The following EXOC6B variants were observed in gnomAD, a reference collection of about 807,000 sequenced individuals.
EXOC6B encodes the protein exocyst complex component 6B, also known as SEC15 homolog B.
EXOC6B carries 54 observed loss-of-function variants against 113.5 expected under a neutral mutation model. The ratio of observed to expected loss-of-function variants is 0.48; its 90% CI spans 0.38 to 0.60. The LOEUF is 0.60. Among genes scored for constraint, EXOC6B ranks in the 20% least tolerant of loss-of-function variants. The probability of loss-of-function intolerance (pLI) is 0.00; values close to 1 mark genes in which losing one functional copy is unlikely to be tolerated. For missense variants in EXOC6B, 797 were observed against 977.5 expected, an observed-to-expected ratio of 0.82 and a Z score of 2.46; for synonymous variants, 357 against 339.0, an observed-to-expected ratio of 1.05 and a Z score of -0.58.
intron 18 of EXOC6B, among the ~76,000 whole-genome samples, chr2:72,429,389 T>C (rs996502186): frequency 3.9e-5 from 6 of 152,234 alleles, no homozygotes; most frequent in African/African-American, 1.4e-4. Context: ...GGCCTCCTTT[T>C]ACCAAGAACA....
chr2:72,380,061 G>A (rs898636556), intron 18 of EXOC6B, among the ~76,000 whole-genome samples, 191 bp from the exon 19 acceptor site: 5 of 151,928 alleles, frequency 3.3e-5, no homozygotes, highest in African/African-American at 9.7e-5. Context: ...TAATAGCTCC[G>A]TCACCATCAG....
intron 18 of EXOC6B, among the ~76,000 whole-genome samples, chr2:72,441,457 CT>C (rs1390651167): frequency 2.0e-5 from 3 of 149,754 alleles, no homozygotes; most frequent in African/African-American, 7.4e-5. Context: ...AATAAAGAAA[CT>C]TTTTTTGAAA....
chr2:72,651,100 G>A (rs1014792468), intron 6 of EXOC6B, among the ~76,000 whole-genome samples: 3 of 152,130 alleles, frequency 2.0e-5, no homozygotes, highest in African/African-American at 2.4e-5. Context: ...TAATCTGAGC[G>A]TTCACTATGG....
At chr2:72,524,815 C>CA (rs1408967553) in intron 8 of EXOC6B, among the ~76,000 whole-genome samples, 23 of 152,018 alleles carry the variant, frequency 1.5e-4, no homozygotes, top group South Asian at 2.1e-4. Context: ...AAACACCTCA[C>CA]AAAAAAACTG....
At chr2:72,641,873 T>C (rs1280318677) in intron 6 of EXOC6B, among the ~76,000 whole-genome samples, 1 of 152,206 alleles carries the variant, frequency 6.6e-6, no homozygotes. Context: ...AGAGGAAGGA[T>C]CAGGCAGCAA....
intron 20 of EXOC6B, among the ~76,000 whole-genome samples, chr2:72,195,439 G>T (rs369866383): frequency 1.3e-5 from 2 of 152,320 alleles, no homozygotes; most frequent in African/African-American, 4.8e-5. Flanking sequence ...GGCAGAAGCA[G>T]GCAGGTGTGA....
intron 1 of EXOC6B, among the ~76,000 whole-genome samples, chr2:72,807,777 T>A (rs11894812): frequency 0.055 from 8,382 of 151,622 alleles, 777 homozygotes; most frequent in African/African-American, 0.19. Flanking sequence ...GAGTAGAAGG[T>A]TGGTTACCAG....
intron 6 of EXOC6B, among the ~76,000 whole-genome samples, chr2:72,640,077 A>T (rs1217583134): frequency 1.3e-5 from 2 of 152,332 alleles, no homozygotes; most frequent in Non-Finnish European, 2.9e-5. Flanking sequence ...TCATTGAGCT[A>T]CAGGAGTATG....
chr2:72,424,634 G>A (rs1695098337), intron 18 of EXOC6B, among the ~76,000 whole-genome samples: 1 of 151,592 alleles, frequency 6.6e-6, no homozygotes, highest in Admixed American at 6.6e-5. Flanking sequence ...ATTCTTACTA[G>A]ATTAAAACTG....
chr2:72,825,381 G>C lies in EXOC6B; in HGVS notation c.113+417C>G, dbSNP rs1310524482. Among the ~76,000 whole-genome samples, 1 of 152,218 alleles carries C rather than the reference G, an allele frequency of 6.6e-6. No homozygotes were observed. Among genetic ancestry groups the C allele is most frequent in the African/African-American group, 2.4e-5 (1 of 41,448 alleles). On this transcript the variant is annotated intron_variant, in intron 1 of 21. Transcript: ENST00000272427. This position sits in a 1 kb window ranked among gnomAD's most constrained non-coding sequence, Gnocchi z 4.4. ...GGCAAGACTTTGATTTCGAGCACTA[G>C]ACCATGGAGTGAAATTCTGTGTTGT... is the stretch of plus-strand genomic sequence containing the variant.
chr2:72,784,466 T>G (rs1268295271), intron 1 of EXOC6B, among the ~76,000 whole-genome samples: 1 of 152,142 alleles, frequency 6.6e-6, no homozygotes, highest in African/African-American at 2.4e-5. Flanking sequence ...CAGCTGATAA[T>G]GACATACCCA....
At chr2:72,322,598 G>T (rs935664874) in intron 20 of EXOC6B, among the ~76,000 whole-genome samples, 4 of 152,066 alleles carry the variant, frequency 2.6e-5, no homozygotes, top group African/African-American at 9.7e-5. Context: ...GCCTAAAAAT[G>T]TTTAAGATAA....
Position 72,178,312 on chromosome 2 carries a change from C to A in EXOC6B, c.*1023G>T, listed in dbSNP as rs1321833461. The A allele has an allele frequency of 2.0e-4, 31 of 152,200 alleles. No homozygotes were observed. The highest frequency in any genetic ancestry group is 2.0e-3 in the Admixed American group (31 of 15,284). The allele number at this position is 152,200 out of a possible 1,614,324, so 9.4% of individuals were successfully genotyped here. Reference sequence around the variant, plus strand: ...GTGACATTTCCTTAAAGATGATAACCAAAAAGCTGGTTTTAAAACATAAAG... The same window carrying A: ...GTGACATTTCCTTAAAGATGATAACAAAAAAGCTGGTTTTAAAACATAAAG... On this transcript the variant is annotated 3_prime_UTR_variant, in exon 22 of 22. Coordinates refer to ENST00000272427, the MANE Select transcript of EXOC6B (RefSeq NM_015189.3).
intron 20 of EXOC6B, among the ~76,000 whole-genome samples, chr2:72,215,257 T>C (rs1377965650): frequency 6.6e-6 from 1 of 152,180 alleles, no homozygotes; most frequent in Non-Finnish European, 1.5e-5. Context: ...TAGGATGTTA[T>C]GGAGGAGAAA....
At chr2:72,326,311 T>A (rs1178221828) in intron 20 of EXOC6B, among the ~76,000 whole-genome samples, 3 of 152,124 alleles carry the variant, frequency 2.0e-5, no homozygotes, top group African/African-American at 7.2e-5. Flanking sequence ...GATATGCATA[T>A]TCATGCTGTA....
At chr2:72,389,902 C>T (rs115671586) in intron 18 of EXOC6B, among the ~76,000 whole-genome samples, 4 of 152,122 alleles carry the variant, frequency 2.6e-5, no homozygotes, top group African/African-American at 9.6e-5. Flanking sequence ...ACCTATTCTT[C>T]CTTCCTTTCC....
At chr2:72,487,040 A>C (rs890834161) in intron 16 of EXOC6B, among the ~76,000 whole-genome samples, 1 of 152,108 alleles carries the variant, frequency 6.6e-6, no homozygotes, top group African/African-American at 2.4e-5. Flanking sequence ...ATTTTAGGAC[A>C]GTTTTGTATT....
At chr2:72,454,616 T>C (rs548697629) in intron 18 of EXOC6B, among the ~76,000 whole-genome samples, 1 of 152,320 alleles carries the variant, frequency 6.6e-6, no homozygotes, top group African/African-American at 2.4e-5. Flanking sequence ...TTATTTTCTA[T>C]GTTATCAACA....
At chr2:72,398,546 A>G (rs1057348847) in intron 18 of EXOC6B, among the ~76,000 whole-genome samples, 6 of 151,852 alleles carry the variant, frequency 4.0e-5, no homozygotes, top group Admixed American at 2.6e-4. Flanking sequence ...AAAATACAAA[A>G]ATTAGCTGGG....
Sources: gnomAD v4.1 joint callset for allele counts (sites outside exome capture counted in the v4.1 genomes callset) on GRCh38, gnomAD v4.1.1 for gene constraint, Gnocchi (gnomAD v3.1) non-coding constraint, MANE v1.5 for transcripts, NCBI Gene and HGNC (gene_info 2026-07-23, HGNC 2026-07-21) for gene names.